Variants in PRKN observed in about 807,000 individuals in gnomAD.
PRKN encodes parkin RBR E3 ubiquitin protein ligase, also known as E3 ubiquitin-protein ligase parkin.
Under a neutral mutation model 59.5 loss-of-function variants are expected in PRKN, and 56 were observed. The ratio of observed to expected loss-of-function variants is 0.94; its 90% CI spans 0.76 to 1.18. The LOEUF (loss-of-function observed/expected upper bound fraction) is 1.18. PRKN is among the 50% of genes most tolerant of loss of function. The probability of loss-of-function intolerance (pLI) is 0.00; values close to 1 mark genes in which losing one functional copy is unlikely to be tolerated. For missense variants in PRKN, 657 were observed against 596.4 expected (o/e 1.10, Z -1.06); for synonymous variants, 250 against 222.1 (o/e 1.13, Z -1.12).
chr6:161,371,255 C>G lies in PRKN; in HGVS notation c.1168-11050G>C, dbSNP rs1275993922. ...TCTCCGCTCACTGCAACCTCCACCT[C>G]CTGGGTTCAAATGATTCTGCTGCCT... On this transcript the variant is annotated intron_variant, in intron 10 of 11. Coordinates refer to ENST00000366898, the MANE Select transcript of PRKN (RefSeq NM_004562.3). This position sits in a 1 kb window ranked among gnomAD's most constrained non-coding sequence, Gnocchi z 5.5. Among the ~76,000 whole-genome samples, 1 of 151,954 alleles carries G rather than the reference C, an allele frequency of 6.6e-6. No homozygotes were observed. The highest frequency in any genetic ancestry group is 1.5e-5 in the Non-Finnish European group (1 of 68,002).
chr6:162,450,092 A>T (rs1212640855), intron 1 of PRKN, among the ~76,000 whole-genome samples: 1 of 152,172 alleles, frequency 6.6e-6, no homozygotes, highest in Non-Finnish European at 1.5e-5. Flanking sequence ...CACAGAAGAA[A>T]ATGAGTCAGA....
At chr6:162,411,400 A>G (rs1012676115) in intron 2 of PRKN, among the ~76,000 whole-genome samples, 1 of 152,206 alleles carries the variant, frequency 6.6e-6, no homozygotes, top group African/African-American at 2.4e-5. Flanking sequence ...ACAGCACAGT[A>G]TAAGAAACAA....
chr6:162,690,530 C>G (rs1415941467), intron 1 of PRKN, among the ~76,000 whole-genome samples: 1 of 152,200 alleles, frequency 6.6e-6, no homozygotes, highest in Non-Finnish European at 1.5e-5. Context: ...ACCAAAATCA[C>G]TACATATACT....
intron 5 of PRKN, among the ~76,000 whole-genome samples, chr6:162,016,628 C>T (rs930091514): frequency 1.3e-5 from 2 of 152,112 alleles, no homozygotes; most frequent in African/African-American, 4.8e-5. Flanking sequence ...CCCTGGAACA[C>T]TCTCCTCGTG....
chr6:162,596,597 G>A (rs1458520051), intron 1 of PRKN, among the ~76,000 whole-genome samples: 1 of 152,140 alleles, frequency 6.6e-6, no homozygotes, highest in Non-Finnish European at 1.5e-5. Flanking sequence ...GAAAGCATAT[G>A]ATCAATGTTC....
At chr6:162,654,780 C>A (rs895662718) in intron 1 of PRKN, among the ~76,000 whole-genome samples, 1 of 151,900 alleles carries the variant, frequency 6.6e-6, no homozygotes, top group Non-Finnish European at 1.5e-5. Context: ...ACAATCATGG[C>A]GGAAGGGGAA....
intron 1 of PRKN, chr6:162,624,342 T>C (rs1218685990): frequency 6.6e-6 from 1 of 152,068 alleles, no homozygotes; most frequent in South Asian, 2.1e-4. Context: ...TTTACAAGTA[T>C]AGATACATTT....
At chr6:162,514,394 T>C (rs1777757763) in intron 1 of PRKN, among the ~76,000 whole-genome samples, 1 of 152,028 alleles carries the variant, frequency 6.6e-6, no homozygotes, top group South Asian at 2.1e-4. Context: ...TTAGAAAAAG[T>C]GAGTCGCCCT....
rs146298189 is a variant in PRKN at position 161,629,519 on chromosome 6, C to T, written c.872-60103G>A. ...CACATTTAGCCCTTCTGCTTAAAAC[C>T]TCCACTACTTGACCCGTGAAGTCAG... On this transcript the variant is annotated intron_variant, in intron 7 of 11. Coordinates refer to ENST00000366898, the MANE Select transcript of PRKN (RefSeq NM_004562.3). 3.9e-3 allele frequency among the ~76,000 whole-genome samples: 593 copies of T among 152,224 alleles called. 6 individuals carry two copies. Among genetic ancestry groups the T allele is most frequent in the Middle Eastern group, 0.01 (3 of 294 alleles).
At chr6:161,742,807 A>C (rs1023983019) in intron 7 of PRKN, among the ~76,000 whole-genome samples, 3 of 152,142 alleles carry the variant, frequency 2.0e-5, no homozygotes, top group Non-Finnish European at 4.4e-5. Context: ...ACAGAGGAGG[A>C]GGCAAAACCT....
chr6:162,573,780 T>C (rs1322433260), intron 1 of PRKN, among the ~76,000 whole-genome samples: 1 of 152,222 alleles, frequency 6.6e-6, no homozygotes, highest in Non-Finnish European at 1.5e-5. Context: ...TTAAAGGGAA[T>C]GTATAACTTA....
intron 7 of PRKN, among the ~76,000 whole-genome samples, chr6:161,772,141 G>A (rs1279728228): frequency 6.6e-6 from 1 of 152,150 alleles, no homozygotes; most frequent in Non-Finnish European, 1.5e-5. Context: ...AGTGATGAAG[G>A]AACGGAATCT....
intron 4 of PRKN, among the ~76,000 whole-genome samples, chr6:162,183,230 G>A (rs1416510880): frequency 6.6e-6 from 1 of 152,126 alleles, no homozygotes; most frequent in Non-Finnish European, 1.5e-5. Flanking sequence ...AGATAGGGAA[G>A]ATGTAAGAGG....
Position 161,409,546 on chromosome 6 carries a change from A to G in PRKN, c.1084-22669T>C, listed in dbSNP as rs1362525696. Among the ~76,000 whole-genome samples, 2 of 152,192 alleles carry G rather than the reference A, an allele frequency of 1.3e-5. No homozygotes were observed. Among genetic ancestry groups the G allele is most frequent in the African/African-American group, 4.8e-5 (2 of 41,426 alleles). On this transcript the variant is annotated intron_variant, in intron 9 of 11. Transcript: ENST00000366898. This position sits in a 1 kb window ranked among gnomAD's most constrained non-coding sequence, Gnocchi z 4.6. Reference sequence around the variant, plus strand: ...TGACAGCACCTCTCAGTTCAAAGGAAAGTGGTGTGCTTGCTGGATATTTTT... The same window carrying G: ...TGACAGCACCTCTCAGTTCAAAGGAGAGTGGTGTGCTTGCTGGATATTTTT...
chr6:162,273,019 A>AG (rs1780463608), intron 2 of PRKN, among the ~76,000 whole-genome samples: 1 of 150,098 alleles, frequency 6.7e-6, no homozygotes, highest in Non-Finnish European at 1.5e-5. Context: ...AAAAAAAAAA[A>AG]GGAAAAAAAA....
chr6:161,568,811 A>G (rs921882044), intron 8 of PRKN, among the ~76,000 whole-genome samples: 4 of 152,160 alleles, frequency 2.6e-5, no homozygotes, highest in African/African-American at 9.7e-5. Context: ...TTATTTACTT[A>G]GCATATCTAT....
At chr6:162,387,597 GA>G in intron 2 of PRKN, among the ~76,000 whole-genome samples, 1 of 144,772 alleles carries the variant, frequency 6.9e-6, no homozygotes, top group South Asian at 2.2e-4. Flanking sequence ...GAGAGAGAGA[GA>G]GAGAGAGAGA....
At chr6:162,019,645 C>A (rs571528502) in intron 5 of PRKN, among the ~76,000 whole-genome samples, 3 of 152,148 alleles carry the variant, frequency 2.0e-5, no homozygotes, top group Non-Finnish European at 2.9e-5. Context: ...CTTGGGGAGT[C>A]CTTGGTCCAC....
At chr6:161,960,141 T>C (rs1271658472) in intron 6 of PRKN, among the ~76,000 whole-genome samples, 1 of 152,194 alleles carries the variant, frequency 6.6e-6, no homozygotes. Flanking sequence ...CCCGCTTTGG[T>C]GCCACCACAC....
Sources: gnomAD v4.1 joint callset for allele counts (sites outside exome capture counted in the v4.1 genomes callset) on GRCh38, gnomAD v4.1.1 for gene constraint, Gnocchi (gnomAD v3.1) non-coding constraint, MANE v1.5 for transcripts, NCBI Gene and HGNC (gene_info 2026-07-23, HGNC 2026-07-21) for gene names.